Variants in CTIF observed in about 807,000 individuals in gnomAD.
CTIF encodes CBP80/20-dependent translation initiation factor.
CTIF carries 21 observed loss-of-function variants against 66.0 expected under a neutral mutation model. That is an observed-to-expected ratio of 0.32 (90% confidence interval 0.23 to 0.46). The LOEUF is 0.46. Among genes scored for constraint, CTIF ranks in the 20% least tolerant of loss-of-function variants. The pLI is 1.00. For synonymous variants in CTIF, 345 were observed against 326.4 expected, an observed-to-expected ratio of 1.06 and a Z score of -0.62; for missense variants, 739 against 812.7, an observed-to-expected ratio of 0.91 and a Z score of 1.10.
chr18:48,803,567 G>T (rs2068087188), intron 9 of CTIF, among the ~76,000 whole-genome samples: 1 of 152,206 alleles, frequency 6.6e-6, no homozygotes, highest in Non-Finnish European at 1.5e-5. Flanking sequence ...GCCTGTGATT[G>T]CAGGGGGCAG....
In CTIF at chr18:48,761,362, C is replaced by T; in HGVS notation, c.1072-28C>T. On this transcript the variant is annotated intron_variant, in intron 8 of 11. Transcript: ENST00000256413. The surrounding 1 kb of genome is among the most constrained non-coding windows in gnomAD (Gnocchi z 4.2). ...CACAGAGACCTCGGCTTCACTCAGG[C>T]ACATTCATTTGTCTCCGACACCCCC... 2 of 1,604,452 alleles carry T rather than the reference C, an allele frequency of 1.2e-6. No homozygotes were observed. The highest frequency in any genetic ancestry group is 1.7e-6 in the Non-Finnish European group (2 of 1,174,156).
chr18:48,593,090 G>A (rs929069461), intron 1 of CTIF, among the ~76,000 whole-genome samples: 5 of 152,168 alleles, frequency 3.3e-5, no homozygotes, highest in Non-Finnish European at 7.3e-5. Flanking sequence ...GCATCATCAG[G>A]GGGCTCTGTA....
intron 10 of CTIF, among the ~76,000 whole-genome samples, chr18:48,844,078 C>T (rs2069013132): frequency 6.6e-6 from 1 of 152,256 alleles, no homozygotes; most frequent in Non-Finnish European, 1.5e-5. Flanking sequence ...TGTTCACCCT[C>T]AGAGGCCCCC....
rs544347171 is a variant in CTIF, at chr18:48,848,893, G to A, written c.1528-8695G>A. On this transcript the variant is annotated intron_variant, in intron 10 of 11. Transcript: ENST00000256413. ...AGTCTCCGCCAGAGACAATAGGACA[G>A]GAATGCATTCGCTTCCGAACAAACA... 2.6e-5 allele frequency among the ~76,000 whole-genome samples: 4 copies of A among 152,376 alleles called. No homozygotes were observed. In the East Asian group the frequency reaches 5.8e-4, roughly 22 times the overall value.
At chr18:48,604,554 G>T (rs959678894) in intron 1 of CTIF, among the ~76,000 whole-genome samples, 1 of 151,962 alleles carries the variant, frequency 6.6e-6, no homozygotes, top group Non-Finnish European at 1.5e-5. Context: ...TTTTGGAGAG[G>T]CCTCCAAGCT....
chr18:48,735,872 A>G (rs1315870178), intron 7 of CTIF, among the ~76,000 whole-genome samples: 4 of 152,036 alleles, frequency 2.6e-5, no homozygotes, highest in African/African-American at 9.7e-5. Context: ...GAGATACTAA[A>G]CACTCCGTAA....
intron 7 of CTIF, among the ~76,000 whole-genome samples, chr18:48,733,360 G>C (rs11661403): frequency 0.15 from 22,980 of 152,168 alleles, 1,920 homozygotes; most frequent in African/African-American, 0.19. Flanking sequence ...CTGCCTCCAT[G>C]TGCATTAACC....
chr18:48,685,012 GT>G (rs1216549132), intron 6 of CTIF, among the ~76,000 whole-genome samples: 1 of 138,944 alleles, frequency 7.2e-6, no homozygotes, highest in Non-Finnish European at 1.6e-5. Flanking sequence ...AAAAGTTTTT[GT>G]TTTTTTGTTT....
intron 9 of CTIF, among the ~76,000 whole-genome samples, chr18:48,809,020 G>C (rs1187361006): frequency 6.6e-6 from 1 of 152,164 alleles, no homozygotes; most frequent in African/African-American, 2.4e-5. Flanking sequence ...ATAAGGAATT[G>C]TGTGTGTTTC....
At chr18:48,858,384 G>A (rs2069377834) in intron 11 of CTIF, among the ~76,000 whole-genome samples, 1 of 152,358 alleles carries the variant, frequency 6.6e-6, no homozygotes, top group African/African-American at 2.4e-5. Context: ...ACCCTACAGG[G>A]GGCTTGGGAT....
At chr18:48,793,424 T>TTA (rs1166758869) in intron 9 of CTIF, among the ~76,000 whole-genome samples, 3 of 152,200 alleles carry the variant, frequency 2.0e-5, no homozygotes, top group Non-Finnish European at 4.4e-5. Context: ...CCCTGTGGCT[T>TTA]TATATAACTC....
In CTIF at chr18:48,859,931, C is replaced by T. The variant is rs753618655; in HGVS notation, c.*372C>T. ...CCTCGGAGACCTTGGCAGCCTCGCACGCCGGGGCACCGCTTGGGTCAGAAA... is the reference window on the plus strand; with the variant it reads ...CCTCGGAGACCTTGGCAGCCTCGCATGCCGGGGCACCGCTTGGGTCAGAAA... On this transcript the variant is annotated 3_prime_UTR_variant, in exon 12 of 12. Transcript: ENST00000256413. 4.9e-5 allele frequency: 24 copies of T among 487,314 alleles called. No homozygotes were observed. The highest frequency in any genetic ancestry group is 9.3e-5 in the South Asian group (6 of 64,860). The allele number at this position is 487,314 out of a possible 1,614,324, so 30.2% of individuals were successfully genotyped here. A position where few individuals can be genotyped will look rare whatever the true frequency, so the allele number is the denominator to read the frequency against.
intron 7 of CTIF, among the ~76,000 whole-genome samples, chr18:48,746,768 G>GT (rs2092600075): frequency 6.6e-6 from 1 of 152,062 alleles, no homozygotes; most frequent in Admixed American, 6.5e-5. Flanking sequence ...AGGGAGCTGA[G>GT]TTCCCCTGCA....
chr18:48,553,344 C>A (rs867994675), intron 1 of CTIF, among the ~76,000 whole-genome samples: 3 of 152,218 alleles, frequency 2.0e-5, no homozygotes, highest in Non-Finnish European at 4.4e-5. Context: ...CAGCCACGGG[C>A]GTGGCAAGCC....
intron 7 of CTIF, among the ~76,000 whole-genome samples, chr18:48,749,660 C>T (rs1342461529): frequency 6.6e-6 from 1 of 152,190 alleles, no homozygotes; most frequent in Non-Finnish European, 1.5e-5. Flanking sequence ...CACAAGAACC[C>T]TATGAGATGG....
At chr18:48,646,082 T>C (rs1306322248) in intron 3 of CTIF, among the ~76,000 whole-genome samples, 1 of 152,192 alleles carries the variant, frequency 6.6e-6, no homozygotes, top group African/African-American at 2.4e-5. Context: ...TTTATCATCA[T>C]TAAATTTTTG....
At chr18:48,687,037 T>A (rs946456723) in intron 6 of CTIF, among the ~76,000 whole-genome samples, 6 of 152,164 alleles carry the variant, frequency 3.9e-5, no homozygotes, top group Non-Finnish European at 5.9e-5. Flanking sequence ...GTCAGAAGTC[T>A]AATTTGTTTG....
intron 1 of CTIF, among the ~76,000 whole-genome samples, chr18:48,580,425 T>C (rs2089629265): frequency 6.6e-6 from 1 of 152,176 alleles, no homozygotes; most frequent in African/African-American, 2.4e-5. Context: ...AGAATGAAGG[T>C]GGAGGCTGGG....
At chr18:48,604,326 G>A (rs2144196520) in intron 1 of CTIF, among the ~76,000 whole-genome samples, 2 of 151,690 alleles carry the variant, frequency 1.3e-5, no homozygotes, top group South Asian at 4.2e-4. Context: ...ACAGGCGCCT[G>A]CCACCATGCC....
Sources: gnomAD v4.1 joint callset for allele counts (sites outside exome capture counted in the v4.1 genomes callset) on GRCh38, gnomAD v4.1.1 for gene constraint, Gnocchi (gnomAD v3.1) non-coding constraint, MANE v1.5 for transcripts, NCBI Gene and HGNC (gene_info 2026-07-23, HGNC 2026-07-21) for gene names.